The following RP1 variants were observed in gnomAD, a reference collection of about 807,000 sequenced individuals.
RP1 encodes oxygen-regulated protein 1.
In RP1, 16 loss-of-function variants were observed where a neutral mutation model predicts 14.8. The ratio of observed to expected loss-of-function variants is 1.08; its 90% CI spans 0.73 to 1.65. The LOEUF is 1.65. Ranked by LOEUF, RP1 falls within the 40% of genes most tolerant of loss-of-function variation. RP1 has a pLI of 0.00. For synonymous variants in RP1, 876 were observed against 883.6 expected (o/e 0.99, Z 0.15); for missense variants, 2,631 against 2,535.0 (o/e 1.04, Z -0.81).
intron 25 of RP1, among the ~76,000 whole-genome samples, chr8:54,851,726 A>G (rs1032193997): frequency 3.9e-5 from 6 of 152,208 alleles, no homozygotes; most frequent in Admixed American, 1.3e-4. Flanking sequence ...CCATTTCCCA[A>G]TATACCACAT....
At chr8:54,637,990 G>A (rs1031686986) in intron 3 of RP1, among the ~76,000 whole-genome samples, 2 of 152,018 alleles carry the variant, frequency 1.3e-5, no homozygotes, top group South Asian at 2.1e-4. Context: ...CTCATCCGAC[G>A]TGAACTGCTT....
At chr8:54,669,323 T>G (rs1009225922) in intron 7 of RP1, among the ~76,000 whole-genome samples, 1 of 152,074 alleles carries the variant, frequency 6.6e-6, no homozygotes, top group Non-Finnish European at 1.5e-5. Context: ...AAAACCACAA[T>G]GAGATACCAT....
At chr8:54,844,144 A>G (rs756006278) in intron 25 of RP1, among the ~76,000 whole-genome samples, 6 of 152,158 alleles carry the variant, frequency 3.9e-5, no homozygotes, top group Non-Finnish European at 5.9e-5. Context: ...AGATGAAAGA[A>G]AGTGTCCTGA....
chr8:54,786,173 T>C (rs188062289), intron 24 of RP1, among the ~76,000 whole-genome samples: 49 of 152,214 alleles, frequency 3.2e-4, no homozygotes, highest in African/African-American at 1.1e-3. Flanking sequence ...GCATTTCTTG[T>C]AGGGCAGGTC....
At chr8:54,612,365 G>T (rs1415709443), upstream of RP1, among the ~76,000 whole-genome samples, 1 of 152,204 alleles carries the variant, frequency 6.6e-6, no homozygotes, top group Admixed American at 6.5e-5. Context: ...CTGCCATGGG[G>T]CTGGGGGATG....
At chr8:54,740,202 G>C (rs1276476267) in intron 19 of RP1, among the ~76,000 whole-genome samples, 1 of 150,308 alleles carries the variant, frequency 6.7e-6, no homozygotes, top group Non-Finnish European at 1.5e-5. Context: ...AACAGCCTCA[G>C]GCAGCCTTTC....
chr8:54,692,037 A>G (rs1043320074), intron 12 of RP1, among the ~76,000 whole-genome samples: 4 of 151,796 alleles, frequency 2.6e-5, no homozygotes, highest in East Asian at 2.0e-4. Context: ...TCGTTGTTCA[A>G]TTCCCACCTA....
intron 24 of RP1, among the ~76,000 whole-genome samples, chr8:54,833,971 A>T (rs1811598990): frequency 6.6e-6 from 1 of 152,092 alleles, no homozygotes; most frequent in Non-Finnish European, 1.5e-5. Flanking sequence ...CAGCTATATG[A>T]TTTATTTAAC....
In RP1 at chr8:54,628,374, G is replaced by A. The variant is rs1806142118; in HGVS notation, c.4492G>A (p.Val1498Ile). ...QATEELIQEEVEASKTLELID... is the reference protein window; with the variant it reads ...QATEELIQEEIEASKTLELID... ...CACTGAAGAATTAATCCAAGAAGAG[G>A]TAGAGGCTAGTAAAACTTTAGAATT... Residue 1498 changes from valine to isoleucine, a missense_variant, in exon 4 of 4, where the codon GTA (valine) becomes ATA (isoleucine). Transcript: ENST00000220676. 2 of 1,613,614 alleles carry A rather than the reference G, an allele frequency of 1.2e-6. No individual in the cohort carries two copies. The highest frequency in any genetic ancestry group is 8.5e-7 in the Non-Finnish European group (1 of 1,179,770).
intron 1 of RP1, among the ~76,000 whole-genome samples, chr8:54,579,169 C>T (rs1418952789): frequency 6.6e-6 from 1 of 152,176 alleles, no homozygotes; most frequent in African/African-American, 2.4e-5. Context: ...GTCTAGGAAA[C>T]AGACATCAGG....
intron 13 of RP1, among the ~76,000 whole-genome samples, chr8:54,700,579 GA>G (rs1807990247): frequency 6.6e-6 from 1 of 152,088 alleles, no homozygotes; most frequent in Non-Finnish European, 1.5e-5. Context: ...ATATGCTTAA[GA>G]AATATGACTA....
intron 19 of RP1, among the ~76,000 whole-genome samples, chr8:54,740,013 G>A (rs139137070): frequency 1.8e-3 from 279 of 151,198 alleles, no homozygotes; most frequent in African/African-American, 6.1e-3. Flanking sequence ...GCTAATGTAA[G>A]CAACTGTTAC....
chr8:54,602,689 C>T (rs1805320930), intron 1 of RP1, among the ~76,000 whole-genome samples: 1 of 152,204 alleles, frequency 6.6e-6, no homozygotes, highest in Non-Finnish European at 1.5e-5. Context: ...CACATCCTCT[C>T]CAGCACCTGT....
intron 24 of RP1, among the ~76,000 whole-genome samples, chr8:54,790,626 T>C (rs1429543556): frequency 2.0e-5 from 3 of 151,286 alleles, no homozygotes; most frequent in Non-Finnish European, 4.4e-5. Context: ...TCAAAACTAT[T>C]ATAGAAGTTC....
chr8:54,728,035 T>C (rs2129353362), intron 17 of RP1, among the ~76,000 whole-genome samples: 1 of 152,216 alleles, frequency 6.6e-6, no homozygotes, highest in East Asian at 1.9e-4. Flanking sequence ...ATTTTGGCCC[T>C]GGATATGAAA....
intron 2 of RP1, 31 bp downstream of exon 2, chr8:54,621,612 G>A (rs369346430): frequency 1.2e-6 from 2 of 1,613,428 alleles, no homozygotes; most frequent in African/African-American, 2.7e-5. Flanking sequence ...TCGAGCCTGA[G>A]CTCATTTTGA....
chr8:54,631,846 T>A (rs1487899348), downstream of RP1, among the ~76,000 whole-genome samples: 2 of 80,260 alleles, frequency 2.5e-5, no homozygotes, highest in East Asian at 1.2e-3. Flanking sequence ...AGGGATAAGA[T>A]TTTTTTTTTT....
rs1806186381 is a variant in RP1 at position 54,629,481 on chromosome 8, G to C, written c.5599G>C (p.Val1867Leu). 6.2e-7 allele frequency: 1 copy of C among 1,613,984 alleles called. No homozygotes were observed. The highest frequency in any genetic ancestry group is 1.7e-5 in the Admixed American group (1 of 60,000). ...SHQSERVCTSVTHSFISAGNK... is the reference protein window; with the variant it reads ...SHQSERVCTSLTHSFISAGNK... Reference sequence around the variant, plus strand: ...TCAGTCAGAAAGAGTATGCACATCTGTCACTCATTCCTTTATTTCTGCTGG... The same window carrying C: ...TCAGTCAGAAAGAGTATGCACATCTCTCACTCATTCCTTTATTTCTGCTGG... Residue 1867 changes from valine to leucine, a missense_variant, in exon 4 of 4, where the codon GTC (valine) becomes CTC (leucine). By Grantham distance (32) the Val-to-Leu change is conservative. Coordinates refer to ENST00000220676, the MANE Select transcript of RP1 (RefSeq NM_006269.2).
At chr8:54,623,713 A>C (rs1805945208) in intron 3 of RP1, among the ~76,000 whole-genome samples, 1 of 152,240 alleles carries the variant, frequency 6.6e-6, no homozygotes, top group Non-Finnish European at 1.5e-5. Flanking sequence ...CTTGTGCCCT[A>C]TATTAAGTCA....
Sources: gnomAD v4.1 joint callset for allele counts (sites outside exome capture counted in the v4.1 genomes callset) on GRCh38, gnomAD v4.1.1 for gene constraint, MANE v1.5 for transcripts, NCBI Gene and HGNC (gene_info 2026-07-23, HGNC 2026-07-21) for gene names.